ATP1A3: variants seen among roughly 807,000 people sequenced by gnomAD.
ATP1A3 encodes the protein ATPase Na+/K+ transporting subunit alpha 3, also known as sodium/potassium-transporting ATPase subunit alpha-3.
A neutral mutation model predicts 108.8 loss-of-function variants in ATP1A3; 12 were observed. The observed-to-expected ratio is 0.11, with a 90% CI of 0.07 to 0.18. The LOEUF is 0.18. Among genes scored for constraint, ATP1A3 ranks in the 10% least tolerant of loss-of-function variants. The pLI is 1.00. For synonymous variants in ATP1A3, 539 were observed against 564.5 expected (o/e 0.95, Z 0.64); for missense variants, 498 against 1,387.7 (o/e 0.36, Z 10.19).
rs879969601 is a variant in ATP1A3 at position 41,972,573 on chromosome 19, T to C, written c.2264-2031A>G. ...CGAGGTCAGGAGATCGAGACTATCC[T>C]GGCCAACATGGTGAAACCCCATCTC... On this transcript the variant is annotated intron_variant, in intron 16 of 22. Transcript: ENST00000648268. Among the ~76,000 whole-genome samples, 66 of 152,078 alleles carry C rather than the reference T, an allele frequency of 4.3e-4. 1 individual carries two copies. Among genetic ancestry groups the C allele is most frequent in the Middle Eastern group, 6.8e-3 (2 of 294 alleles).
chr19:41,983,983 C>T (rs2145976089), intron 8 of ATP1A3, among the ~76,000 whole-genome samples: 1 of 151,726 alleles, frequency 6.6e-6, no homozygotes, highest in Non-Finnish European at 1.5e-5. Context: ...CCATGTTGGC[C>T]AGTCTGGTCT....
chr19:41,967,370 T>G lies in ATP1A3; in HGVS notation c.2922-30A>C, dbSNP rs370737100. On this transcript the variant is annotated intron_variant, in intron 21 of 22. Coordinates refer to ENST00000648268, the MANE Select transcript of ATP1A3 (RefSeq NM_152296.5). The surrounding 1 kb of genome is among the most constrained non-coding windows in gnomAD (Gnocchi z 4.2). ...AGAGGGGAGAGCAGGAGGGCTTGAGTGCGGGGCCCTAACGAGAGGCAGAGT... is the reference window on the plus strand; with the variant it reads ...AGAGGGGAGAGCAGGAGGGCTTGAGGGCGGGGCCCTAACGAGAGGCAGAGT... 5.0e-6 allele frequency: 8 copies of G among 1,596,460 alleles called. 1 individual carries two copies. In the African/African-American group the frequency reaches 9.4e-5, roughly 19 times the overall value.
intron 1 of ATP1A3, among the ~76,000 whole-genome samples, chr19:41,992,329 C>T (rs1467978102): frequency 6.6e-6 from 1 of 152,160 alleles, no homozygotes; most frequent in Non-Finnish European, 1.5e-5. Flanking sequence ...AGGCAGGAGG[C>T]CCAGATGGGC....
chr19:41,989,444 G>A (rs372237379), intron 1 of ATP1A3, among the ~76,000 whole-genome samples: 120 of 149,318 alleles, frequency 8.0e-4, no homozygotes, highest in African/African-American at 2.8e-3. Flanking sequence ...TCAGCCTCCC[G>A]AGTAGCTGGG....
At position 41,970,198 on chromosome 19, in the gene ATP1A3, G is replaced by C; in HGVS notation, c.2529C>G (p.Ala843=). ...KLVNERLISM[A]YGQIGMIQAL... is the part of the protein sequence containing the mutation. The stretch of plus-strand genomic sequence containing the variant: ...CCGGTGCCTCACCAATCTGCCCGTA[G>C]GCCATGCTGATGAGTCTCTCATTGA... The change falls in exon 18 of 23, where the codon GCC becomes GCG. Residue 843 remains alanine, a synonymous_variant. Coordinates refer to ENST00000648268, the MANE Select transcript of ATP1A3 (RefSeq NM_152296.5). The C allele has an allele frequency of 6.2e-7, 1 of 1,614,254 alleles. No individual in the cohort carries two copies. The highest frequency in any genetic ancestry group is 1.7e-5 in the Admixed American group (1 of 60,030).
chr19:41,967,042 G>A lies in ATP1A3; in HGVS notation c.3014-77C>T. 1 of 1,551,692 alleles carries A rather than the reference G, an allele frequency of 6.4e-7. No individual in the cohort carries two copies. The highest frequency in any genetic ancestry group is 1.4e-5 in the African/African-American group (1 of 73,148). ...CAGGCAAGGCGAGCCGCCCAGCAGA[G>A]AGAGGGACAGAGAGGGAGAGAGACA... On this transcript the variant is annotated intron_variant, in intron 22 of 22. Coordinates refer to ENST00000648268, the MANE Select transcript of ATP1A3 (RefSeq NM_152296.5). This position sits in a 1 kb window ranked among gnomAD's most constrained non-coding sequence, Gnocchi z 4.2.
intron 16 of ATP1A3, among the ~76,000 whole-genome samples, chr19:41,973,759 C>T (rs1177945277): frequency 6.6e-6 from 1 of 152,246 alleles, no homozygotes; most frequent in East Asian, 1.9e-4. Context: ...GCTCTGCTCA[C>T]AGCTGCCTCC....
At position 41,967,901 on chromosome 19, in the gene ATP1A3, GGAGA is replaced by G; in HGVS notation, c.2820-142_2820-139del. On this transcript the variant is annotated intron_variant, in intron 20 of 22. Coordinates refer to ENST00000648268, the MANE Select transcript of ATP1A3 (RefSeq NM_152296.5). This position sits in a 1 kb window ranked among gnomAD's most constrained non-coding sequence, Gnocchi z 4.2. The stretch of plus-strand genomic sequence containing the variant: ...CAGAGACAGAGAGGCAGAGACATAG[GGAGA>G]GACAGAGATGGGGAGACATGCCCCG... 1 of 762,482 alleles carries G rather than the reference GGAGA, an allele frequency of 1.3e-6. No homozygotes were observed. The allele number at this position is 762,482 out of a possible 1,614,324, so 47.2% of individuals were successfully genotyped here.
chr19:41,967,398 C>T lies in ATP1A3; in HGVS notation c.2922-58G>A, dbSNP rs115062483. 2.0e-3 allele frequency: 3,179 copies of T among 1,562,792 alleles called. 64 individuals are homozygous for T. The African/African-American group carries it at 0.038, about 19-fold the overall frequency. On this transcript the variant is annotated intron_variant, in intron 21 of 22. Coordinates refer to ENST00000648268, the MANE Select transcript of ATP1A3 (RefSeq NM_152296.5). The surrounding 1 kb of genome is among the most constrained non-coding windows in gnomAD (Gnocchi z 4.2). ...GGGGCCCTAACGAGAGGCAGAGTTT[C>T]AGGGGACTGGAGGGGACGCAGAGGG...
chr19:41,983,577 A>T (rs1453308710), intron 8 of ATP1A3, among the ~76,000 whole-genome samples: 1 of 146,062 alleles, frequency 6.8e-6, no homozygotes, highest in Non-Finnish European at 1.5e-5. Context: ...TTTAAAAATA[A>T]TAATAATAAT....
intron 18 of ATP1A3, 71 bp downstream of exon 18, chr19:41,970,114 C>T (rs1442125818): frequency 7.4e-6 from 12 of 1,613,158 alleles, no homozygotes; most frequent in African/African-American, 2.7e-5. Context: ...GTCCCAAGCA[C>T]CCACGGTGGG....
rs1447191032 is a variant in ATP1A3 at position 41,976,412 on chromosome 19, C to T, written c.2094+4G>A. ...GTCCCCTCCTCTGCGGGAGCGCAGC[C>T]CACCTGTCTCTGACAGCCCTCCACA... is the stretch of plus-strand genomic sequence containing the variant. On this transcript the variant is annotated splice_donor_region_variant and intron_variant, in intron 15 of 22. Transcript: ENST00000648268. 1.9e-6 allele frequency: 3 copies of T among 1,614,062 alleles called. No individual in the cohort carries two copies. In the Admixed American group the frequency reaches 5.0e-5, roughly 27 times the overall value.
At position 41,966,601 on chromosome 19, in the gene ATP1A3, T is replaced by C; in HGVS notation, c.*336A>G. The C allele has an allele frequency of 7.0e-7, 1 of 1,425,240 alleles. No individual in the cohort carries two copies. Among genetic ancestry groups the C allele is most frequent in the South Asian group, 1.2e-5 (1 of 82,038 alleles). 88.3% of individuals were successfully genotyped at this position (1,425,240 alleles called of 1,614,324 possible). ...CACCGCTTCTCTCTCCCCACTGATA[T>C]ATTTGATAATTGTCCAGAACCAGAG... is the stretch of plus-strand genomic sequence containing the variant. On this transcript the variant is annotated 3_prime_UTR_variant, in exon 23 of 23. Coordinates refer to ENST00000648268, the MANE Select transcript of ATP1A3 (RefSeq NM_152296.5).
At chr19:41,970,922 G>A (rs35845187) in intron 16 of ATP1A3, among the ~76,000 whole-genome samples, 26,299 of 149,100 alleles carry the variant, frequency 0.18, 2,253 homozygotes, top group Middle Eastern at 0.2. Context: ...GTGAGCCACC[G>A]CGCCCGGCCT....
intron 18 of ATP1A3, 103 bp downstream of exon 18, chr19:41,970,082 G>T (rs1297172593): frequency 5.6e-6 from 9 of 1,594,370 alleles, no homozygotes; most frequent in South Asian, 2.2e-5. Context: ...GCCCACGTCT[G>T]CTCCCCTGAG....
intron 4 of ATP1A3, among the ~76,000 whole-genome samples, chr19:41,986,963 G>A (rs2075293031): frequency 6.6e-6 from 1 of 151,354 alleles, no homozygotes; most frequent in African/African-American, 2.4e-5. Context: ...TCAGGCTACT[G>A]GAACTCCTGG....
At chr19:41,975,240 A>T (rs2075153625) in intron 16 of ATP1A3, among the ~76,000 whole-genome samples, 1 of 152,104 alleles carries the variant, frequency 6.6e-6, no homozygotes, top group South Asian at 2.1e-4. Context: ...TTTAGTAGAG[A>T]CGGGGTTTCA....
Position 41,985,250 on chromosome 19 carries a change from C to T in ATP1A3, c.724+56G>A. 12 of 1,614,086 alleles carry T rather than the reference C, an allele frequency of 7.4e-6. No homozygotes were observed. Among genetic ancestry groups the T allele is most frequent in the Non-Finnish European group, 1.0e-5 (12 of 1,179,960 alleles). On this transcript the variant is annotated intron_variant, in intron 7 of 22. Coordinates refer to ENST00000648268, the MANE Select transcript of ATP1A3 (RefSeq NM_152296.5). The surrounding 1 kb of genome is among the most constrained non-coding windows in gnomAD (Gnocchi z 8.2). ...AGGGAGGTTCTGGAGGCCTGACCCC[C>T]TGGGACACATCCCTGTGTCTGCCCC...
chr19:41,989,928 T>G (rs1484146445), intron 1 of ATP1A3, among the ~76,000 whole-genome samples: 1 of 152,158 alleles, frequency 6.6e-6, no homozygotes, highest in Non-Finnish European at 1.5e-5. Context: ...TGTCTCTCTC[T>G]GATCTCTGGT....
Sources: allele counts gnomAD v4.1 joint callset (sites outside exome capture counted in the v4.1 genomes callset), GRCh38; gene constraint gnomAD v4.1.1; non-coding constraint Gnocchi (gnomAD v3.1); transcripts MANE v1.5; gene names NCBI Gene and HGNC (gene_info 2026-07-23, HGNC 2026-07-21).